Variants in AGAP1 observed in about 807,000 individuals in gnomAD.
AGAP1 encodes arf-GAP with GTPase, ANK repeat and PH domain-containing protein 1.
A neutral mutation model predicts 105.3 loss-of-function variants in AGAP1; 29 were observed. The observed-to-expected ratio is 0.28, with a 90% confidence interval of 0.21 to 0.38. AGAP1 has a LOEUF of 0.38. AGAP1 is among the 10% of genes least tolerant of loss of function. The pLI, the probability that AGAP1 is intolerant of heterozygous loss-of-function variation, is 1.00. For missense variants in AGAP1, 998 were observed against 1,165.1 expected, an observed-to-expected ratio of 0.86 and a Z score of 2.09; for synonymous variants, 509 against 485.9, an observed-to-expected ratio of 1.05 and a Z score of -0.63.
chr2:235,947,765 G>T (rs78634734), intron 12 of AGAP1, among the ~76,000 whole-genome samples: 1 of 152,330 alleles, frequency 6.6e-6, no homozygotes, highest in Non-Finnish European at 1.5e-5. Context: ...CAGGTATCAG[G>T]TGGTAGAATG....
chr2:235,936,549 A>G lies in AGAP1; in HGVS notation c.1483+5626A>G, dbSNP rs2052998249. ...CCACACTTACTTTCGGAGCCAATGCATTTGAACCACACTTTCCAGCAAGCA... is the reference window on the plus strand; with the variant it reads ...CCACACTTACTTTCGGAGCCAATGCGTTTGAACCACACTTTCCAGCAAGCA... On this transcript the variant is annotated intron_variant, in intron 12 of 17. Transcript: ENST00000304032. This position sits in a 1 kb window ranked among gnomAD's most constrained non-coding sequence, Gnocchi z 4.7. 6.6e-6 allele frequency among the ~76,000 whole-genome samples: 1 copy of G among 152,174 alleles called. No individual in the cohort carries two copies. The highest frequency in any genetic ancestry group is 1.5e-5 in the Non-Finnish European group (1 of 68,008).
chr2:235,560,048 A>C (rs1944096825), intron 1 of AGAP1, among the ~76,000 whole-genome samples: 1 of 152,096 alleles, frequency 6.6e-6, no homozygotes, highest in Non-Finnish European at 1.5e-5. Context: ...CATATTTAAG[A>C]AATCGCTGCC....
rs1370782621 is a variant in AGAP1, at chr2:235,598,621, T to C, written c.163+103772T>C. On this transcript the variant is annotated intron_variant, in intron 1 of 17. Transcript: ENST00000304032. ...TCATCATCCTGGGATTATTCAAGTATAAACTCAGAATTGCCAAATTAAATG... is the reference window on the plus strand; with the variant it reads ...TCATCATCCTGGGATTATTCAAGTACAAACTCAGAATTGCCAAATTAAATG... 3.9e-5 allele frequency among the ~76,000 whole-genome samples: 6 copies of C among 152,218 alleles called. 1 individual carries two copies. Among genetic ancestry groups the C allele is most frequent in the Admixed American group, 2.6e-4 (4 of 15,282 alleles).
chr2:235,952,660 C>G (rs2053786355), intron 12 of AGAP1, among the ~76,000 whole-genome samples: 2 of 152,122 alleles, frequency 1.3e-5, no homozygotes, highest in African/African-American at 4.8e-5. Context: ...TTCCCCAGGG[C>G]CTTAAACAGT....
intron 1 of AGAP1, among the ~76,000 whole-genome samples, chr2:235,511,712 C>G (rs986792988): frequency 1.3e-5 from 2 of 151,912 alleles, no homozygotes; most frequent in African/African-American, 2.4e-5. Flanking sequence ...CCTGGCAGTT[C>G]TTCTATTTGT....
intron 1 of AGAP1, among the ~76,000 whole-genome samples, chr2:235,634,975 G>A (rs368004617): frequency 6.6e-5 from 10 of 150,774 alleles, no homozygotes; most frequent in Admixed American, 2.0e-4. Context: ...CCTCCCCCCC[G>A]CTGTAGACAG....
intron 9 of AGAP1, among the ~76,000 whole-genome samples, chr2:235,859,296 A>G (rs930142423): frequency 2.6e-5 from 4 of 151,798 alleles, no homozygotes; most frequent in Non-Finnish European, 4.4e-5. Flanking sequence ...ATTGTTTGCT[A>G]AGGCCAGAGA....
In AGAP1 at chr2:235,740,716, C is replaced by G. The variant is rs1018368077; in HGVS notation, c.311-247C>G. 6.6e-6 allele frequency among the ~76,000 whole-genome samples: 1 copy of G among 152,242 alleles called. No homozygotes were observed. The highest frequency in any genetic ancestry group is 1.5e-5 in the Non-Finnish European group (1 of 68,036). On this transcript the variant is annotated intron_variant, in intron 3 of 17. Coordinates refer to ENST00000304032, the MANE Select transcript of AGAP1 (RefSeq NM_001037131.3). This position sits in a 1 kb window ranked among gnomAD's most constrained non-coding sequence, Gnocchi z 5.7. ...ATGAGAAGTCCACACTAATTGGCCA[C>G]GAGTGTCTGGCATTGCGAAGGAAGC...
intron 1 of AGAP1, among the ~76,000 whole-genome samples, chr2:235,584,902 CTTT>C (rs10629736): frequency 4.1e-5 from 4 of 98,536 alleles, no homozygotes; most frequent in African/African-American, 1.8e-4. Flanking sequence ...AAGTCATTAC[CTTT>C]TTTTTTTTTT....
At chr2:235,903,940 C>G (rs926103365) in intron 10 of AGAP1, among the ~76,000 whole-genome samples, 6 of 152,094 alleles carry the variant, frequency 3.9e-5, no homozygotes, top group African/African-American at 1.2e-4. Flanking sequence ...ATACTAATGA[C>G]TCCGCGTCCT....
intron 12 of AGAP1, among the ~76,000 whole-genome samples, chr2:235,938,711 T>C (rs945095969): frequency 2.0e-5 from 3 of 152,018 alleles, no homozygotes; most frequent in African/African-American, 7.3e-5. Flanking sequence ...GCTCCGAGGA[T>C]CCTTTCGGGG....
rs146493141 is a variant in AGAP1, at chr2:235,983,789, A to G, written c.1645+15166A>G. 1.5e-3 allele frequency among the ~76,000 whole-genome samples: 227 copies of G among 152,322 alleles called. 1 individual carries two copies. The highest frequency in any genetic ancestry group is 2.2e-3 in the Non-Finnish European group (148 of 68,020). ...TCTGCACATAGCCTGAGTGTGTGGT[A>G]GCCACACCATCTAGGCTTATGTATG... On this transcript the variant is annotated intron_variant, in intron 13 of 17. Transcript: ENST00000304032. This position sits in a 1 kb window ranked among gnomAD's most constrained non-coding sequence, Gnocchi z 4.5.
In AGAP1 at chr2:236,123,936, G is replaced by C; in HGVS notation, c.2388G>C (p.Thr796=). ...QLLIWYGVDV[T]ARDAHGNTAL... is the part of the protein sequence containing the mutation. Reference sequence around the variant, plus strand: ...CTCCGCAGTACGGAGTGGACGTCACGGCCCGAGATGCCCACGGGAACACAG... The same window carrying C: ...CTCCGCAGTACGGAGTGGACGTCACCGCCCGAGATGCCCACGGGAACACAG... The change falls in exon 18 of 18, where the codon ACG becomes ACC. Residue 796 remains threonine (T), a synonymous_variant. Coordinates refer to ENST00000304032, the MANE Select transcript of AGAP1 (RefSeq NM_001037131.3). The surrounding 1 kb of genome is among the most constrained non-coding windows in gnomAD (Gnocchi z 4.6). 1 of 1,613,188 alleles carries C rather than the reference G, an allele frequency of 6.2e-7. No homozygotes were observed. Among genetic ancestry groups the C allele is most frequent in the Non-Finnish European group, 8.5e-7 (1 of 1,179,880 alleles).
In AGAP1 at chr2:235,874,107, G is replaced by C. The variant is rs952642566; in HGVS notation, c.1051-9238G>C. ...AGGGTCTTGCTCTGTCGCCAGGCTG[G>C]AGTGCAGTGGCGTGATCTCAGCTCA... On this transcript the variant is annotated intron_variant, in intron 9 of 17. Transcript: ENST00000304032. The surrounding 1 kb of genome is among the most constrained non-coding windows in gnomAD (Gnocchi z 4.5). 1.7e-4 allele frequency among the ~76,000 whole-genome samples: 26 copies of C among 152,082 alleles called. No individual in the cohort carries two copies. Among genetic ancestry groups the C allele is most frequent in the Non-Finnish European group, 7.4e-5 (5 of 68,022 alleles).
At chr2:235,657,024 G>T (rs1304164382) in intron 1 of AGAP1, among the ~76,000 whole-genome samples, 1 of 152,206 alleles carries the variant, frequency 6.6e-6, no homozygotes, top group Non-Finnish European at 1.5e-5. Context: ...GGAAACCAGA[G>T]TCTAGATAAG....
chr2:235,699,996 T>C (rs1950176315), intron 1 of AGAP1, among the ~76,000 whole-genome samples: 1 of 152,162 alleles, frequency 6.6e-6, no homozygotes, highest in African/African-American at 2.4e-5. Context: ...CCTGCATCTG[T>C]GAACAAGCTT....
In AGAP1 at chr2:235,633,942, G is replaced by T. The variant is rs112081118; in HGVS notation, c.164-75237G>T. On this transcript the variant is annotated intron_variant, in intron 1 of 17. Transcript: ENST00000304032. The surrounding 1 kb of genome is among the most constrained non-coding windows in gnomAD (Gnocchi z 4.8). The stretch of plus-strand genomic sequence containing the variant: ...CAGAGAGAAACTTGGCTGCATCTGA[G>T]GGTGGCCTTTACTTTGGGGTATCAG... 1.3e-5 allele frequency among the ~76,000 whole-genome samples: 2 copies of T among 152,286 alleles called. No homozygotes were observed. Among genetic ancestry groups the T allele is most frequent in the African/African-American group, 4.8e-5 (2 of 41,564 alleles).
rs1357464593 is a variant in AGAP1, at chr2:235,611,556, C to T, written c.164-97623C>T. Among the ~76,000 whole-genome samples, 1 of 152,100 alleles carries T rather than the reference C, an allele frequency of 6.6e-6. No homozygotes were observed. Among genetic ancestry groups the T allele is most frequent in the East Asian group, 1.9e-4 (1 of 5,184 alleles). On this transcript the variant is annotated intron_variant, in intron 1 of 17. Transcript: ENST00000304032. This position sits in a 1 kb window ranked among gnomAD's most constrained non-coding sequence, Gnocchi z 5.0. ...TGCCTGTGTACTTCCCTGTGGTGCC[C>T]AGGCCTGCAGATTACAGACGCTGTG... is the stretch of plus-strand genomic sequence containing the variant.
chr2:235,978,533 T>A (rs1021965103), intron 13 of AGAP1, among the ~76,000 whole-genome samples: 13 of 152,210 alleles, frequency 8.5e-5, no homozygotes, highest in Non-Finnish European at 1.6e-4. Context: ...GTGGTGGCAT[T>A]TCTGTTGTCA....
Sources: gnomAD v4.1 joint callset for allele counts (sites outside exome capture counted in the v4.1 genomes callset) on GRCh38, gnomAD v4.1.1 for gene constraint, Gnocchi (gnomAD v3.1) non-coding constraint, MANE v1.5 for transcripts, NCBI Gene and HGNC (gene_info 2026-07-23, HGNC 2026-07-21) for gene names.